Variants in SEMA3A observed in about 807,000 individuals in gnomAD.
The protein encoded by SEMA3A is semaphorin-3A.
Under a neutral mutation model 97.9 loss-of-function variants are expected in SEMA3A, and 29 were observed. That is an observed-to-expected ratio of 0.30 (90% CI 0.22 to 0.40). The LOEUF is 0.40. Among genes scored for constraint, SEMA3A ranks in the 10% least tolerant of loss-of-function variants. The pLI is 1.00. For synonymous variants in SEMA3A, 321 were observed against 323.7 expected, an observed-to-expected ratio of 0.99 and a Z score of 0.09; for missense variants, 763 against 951.3, an observed-to-expected ratio of 0.80 and a Z score of 2.60.
Position 84,380,365 on chromosome 7 carries a change from T to G in SEMA3A, c.-245-8465A>C, listed in dbSNP as rs1353022618. Among the ~76,000 whole-genome samples, 5 of 152,246 alleles carry G rather than the reference T, an allele frequency of 3.3e-5. No individual in the cohort carries two copies. In the South Asian group the frequency reaches 1.0e-3, roughly 32 times the overall value. On this transcript the variant is annotated intron_variant, in intron 1 of 3. Transcript: ENST00000424555. ...TCACAATCTAGTTTGATAGCATAAT[T>G]AAAATGAACAAAATCTTCATGCACA...
At chr7:84,050,211 G>C (rs1430352081) in intron 5 of SEMA3A, among the ~76,000 whole-genome samples, 2 of 152,088 alleles carry the variant, frequency 1.3e-5, no homozygotes, top group Non-Finnish European at 2.9e-5. Flanking sequence ...ATGATTTATT[G>C]TCCTTTGGGT....
At chr7:84,490,196 C>T (rs1219277013) in intron 1 of SEMA3A, among the ~76,000 whole-genome samples, 2 of 111,028 alleles carry the variant, frequency 1.8e-5, no homozygotes, top group Non-Finnish European at 1.8e-5. Flanking sequence ...AATGCTTTTC[C>T]AGCAAAAAAA....
At position 84,067,167 on chromosome 7, in the gene SEMA3A, C is replaced by G. The variant is rs183418563; in HGVS notation, c.454-6609G>C. 5.9e-5 allele frequency among the ~76,000 whole-genome samples: 9 copies of G among 152,152 alleles called. No individual in the cohort carries two copies. The South Asian group carries it at 6.2e-4, about 11-fold the overall frequency. ...GACAAACCTGAGAAAAACAAGCAAT[C>G]GGGAAAGGATTCCTTATTTAATAAA... On this transcript the variant is annotated intron_variant, in intron 4 of 16. Coordinates refer to ENST00000265362, the MANE Select transcript of SEMA3A (RefSeq NM_006080.3).
intron 11 of SEMA3A, among the ~76,000 whole-genome samples, chr7:84,002,871 G>C (rs867304813): frequency 1.3e-5 from 2 of 152,092 alleles, no homozygotes; most frequent in Admixed American, 6.5e-5. Context: ...TTAATGACAA[G>C]AGTTGTCACT....
intron 4 of SEMA3A, among the ~76,000 whole-genome samples, chr7:84,091,829 T>C (rs1410711849): frequency 2.0e-5 from 3 of 152,202 alleles, no homozygotes; most frequent in African/African-American, 7.2e-5. Context: ...AATGTTCTTT[T>C]TCTAACCTGC....
At chr7:83,964,313 G>C (rs1338655043) in intron 15 of SEMA3A, among the ~76,000 whole-genome samples, 2 of 152,144 alleles carry the variant, frequency 1.3e-5, no homozygotes, top group East Asian at 3.9e-4. Context: ...TAATAAATAT[G>C]TTTTACATGC....
intron 15 of SEMA3A, among the ~76,000 whole-genome samples, chr7:83,968,741 A>C (rs2116277320): frequency 6.6e-6 from 1 of 151,672 alleles, no homozygotes; most frequent in Admixed American, 6.6e-5. Flanking sequence ...GTCATTTAGC[A>C]AATTTTAGAC....
At chr7:84,451,514 T>C (rs146533780) in intron 1 of SEMA3A, among the ~76,000 whole-genome samples, 176 of 152,312 alleles carry the variant, frequency 1.2e-3, no homozygotes, top group African/African-American at 4.0e-3. Flanking sequence ...TGATTACTCT[T>C]ACCTATGATA....
chr7:83,984,077 T>G (rs767904062), intron 13 of SEMA3A, among the ~76,000 whole-genome samples: 3 of 152,172 alleles, frequency 2.0e-5, no homozygotes, highest in Non-Finnish European at 4.4e-5. Context: ...AAATGTTGGC[T>G]TAATATGTAC....
intron 2 of SEMA3A, among the ~76,000 whole-genome samples, chr7:84,310,734 C>T (rs574142123): frequency 6.6e-6 from 1 of 152,052 alleles, no homozygotes; most frequent in South Asian, 2.1e-4. Flanking sequence ...TTACACTGGT[C>T]ATTTTCTTTT....
At chr7:84,482,842 A>C (rs760175847) in intron 1 of SEMA3A, among the ~76,000 whole-genome samples, 1 of 150,114 alleles carries the variant, frequency 6.7e-6, no homozygotes, top group Non-Finnish European at 1.5e-5. Flanking sequence ...TCAAAAAGTT[A>C]CATGATAGAC....
At position 84,166,532 on chromosome 7, in the gene SEMA3A, T is replaced by C. The variant is rs528381435; in HGVS notation, c.112+27943A>G. 3.8e-4 allele frequency among the ~76,000 whole-genome samples: 49 copies of C among 129,024 alleles called. No individual in the cohort carries two copies. In the Middle Eastern group the frequency reaches 0.017, roughly 44 times the overall value. The allele number at this position is 129,024 out of a possible 152,430, so 84.6% of individuals were successfully genotyped here. ...GTTGCAGTGAGCCGAGATTGTGCCA[T>C]CTCACTCCAGCCTGGGCAACAAGAG... is the stretch of plus-strand genomic sequence containing the variant. On this transcript the variant is annotated intron_variant, in intron 1 of 16. Coordinates refer to ENST00000265362, the MANE Select transcript of SEMA3A (RefSeq NM_006080.3).
At chr7:84,060,726 T>C (rs1037151951) in intron 4 of SEMA3A, among the ~76,000 whole-genome samples, 168 bp from the exon 5 acceptor site, 11 of 152,186 alleles carry the variant, frequency 7.2e-5, no homozygotes, top group African/African-American at 2.7e-4. Flanking sequence ...GTATTGAAAA[T>C]AGGTAATACT....
chr7:84,386,830 T>C (rs1803409302), intron 1 of SEMA3A, among the ~76,000 whole-genome samples: 1 of 151,906 alleles, frequency 6.6e-6, no homozygotes, highest in Non-Finnish European at 1.5e-5. Context: ...CGAAACCCTG[T>C]CTCTACTAAA....
At chr7:84,198,049 C>G (rs1389460550), upstream of SEMA3A, among the ~76,000 whole-genome samples, 1 of 152,208 alleles carries the variant, frequency 6.6e-6, no homozygotes, top group East Asian at 1.9e-4. Context: ...CAGATCACTC[C>G]TTACTCTGAG....
chr7:83,989,604 G>C (rs201854534), intron 12 of SEMA3A, among the ~76,000 whole-genome samples: 3,136 of 129,730 alleles, frequency 0.024, 112 homozygotes, highest in East Asian at 0.18. Context: ...TACTGAGAAT[G>C]ATGATTTCCA....
chr7:84,197,592 G>T (rs1798260579), upstream of SEMA3A, among the ~76,000 whole-genome samples: 1 of 151,968 alleles, frequency 6.6e-6, no homozygotes, highest in Non-Finnish European at 1.5e-5. Flanking sequence ...AATACCTGAG[G>T]ATAATCAAAC....
chr7:84,407,502 C>T (rs1201079772), intron 1 of SEMA3A, among the ~76,000 whole-genome samples: 1 of 151,942 alleles, frequency 6.6e-6, no homozygotes. Flanking sequence ...CCATCCACAT[C>T]AAGTTACCAA....
intron 4 of SEMA3A, among the ~76,000 whole-genome samples, chr7:84,062,728 G>C (rs370613001): frequency 6.6e-6 from 1 of 152,180 alleles, no homozygotes; most frequent in African/African-American, 2.4e-5. Context: ...AAAAAACGGC[G>C]CATCACGAGA....
Sources: gnomAD v4.1 joint callset for allele counts (sites outside exome capture counted in the v4.1 genomes callset) on GRCh38, gnomAD v4.1.1 for gene constraint, MANE v1.5 for transcripts, NCBI Gene and HGNC (gene_info 2026-07-23, HGNC 2026-07-21) for gene names.